The following LPP variants were observed in gnomAD, a reference collection of about 807,000 sequenced individuals.
LPP encodes the protein LIM domain containing preferred translocation partner in lipoma.
LPP carries 38 observed loss-of-function variants against 60.4 expected under a neutral mutation model. The ratio of observed to expected loss-of-function variants is 0.63; its 90% confidence interval spans 0.49 to 0.83. LPP has a LOEUF of 0.83. Ranked by LOEUF, LPP falls within the 40% of genes least tolerant of loss-of-function variation. The pLI is 0.00. For missense variants in LPP, 902 were observed against 783.6 expected, an observed-to-expected ratio of 1.15 and a Z score of -1.80; for synonymous variants, 328 against 290.8, an observed-to-expected ratio of 1.13 and a Z score of -1.30.
At chr3:188,825,271 G>C (rs2001271) in intron 9 of LPP, among the ~76,000 whole-genome samples, 3,878 of 21,930 alleles carry the variant, frequency 0.18, 38 homozygotes, top group South Asian at 0.21. Flanking sequence ...CTCTCTCTCT[G>C]TGTGTGTGTG....
chr3:188,208,949 A>G (rs967406495), intron 1 of LPP, among the ~76,000 whole-genome samples: 3 of 152,200 alleles, frequency 2.0e-5, no homozygotes, highest in African/African-American at 7.2e-5. Flanking sequence ...AATCCCTTAC[A>G]CTTTTATAAT....
chr3:188,430,758 A>G (rs1161905684), intron 4 of LPP, among the ~76,000 whole-genome samples: 1 of 152,152 alleles, frequency 6.6e-6, no homozygotes, highest in Non-Finnish European at 1.5e-5. Flanking sequence ...TGAAAGCCCA[A>G]TAGTAAGGCC....
intron 2 of LPP, among the ~76,000 whole-genome samples, chr3:188,262,117 A>T (rs2149694823): frequency 6.6e-6 from 1 of 152,238 alleles, no homozygotes; most frequent in Non-Finnish European, 1.5e-5. Context: ...TGGGAAGAGG[A>T]CACATCTAGA....
At chr3:188,264,099 G>A (rs1294624674) in intron 2 of LPP, among the ~76,000 whole-genome samples, 1 of 152,146 alleles carries the variant, frequency 6.6e-6, no homozygotes. Flanking sequence ...TGTTGGACAT[G>A]TTTGATCTCC....
Position 188,185,270 on chromosome 3 carries a change from C to T in LPP, c.-190+31018C>T, listed in dbSNP as rs548638930. Among the ~76,000 whole-genome samples the T allele has an allele frequency of 3.3e-3, 181 of 55,394 alleles. 2 individuals are homozygous for T. In the Admixed American group the frequency reaches 0.039, roughly 12 times the overall value. 36.3% of individuals were successfully genotyped at this position (55,394 alleles called of 152,430 possible). On this transcript the variant is annotated intron_variant, in intron 1 of 11. Transcript: ENST00000617246. ...TTCATCTGTGAAATCGGGGAGCGGG[C>T]GGGGTGGGGGGAATATTCTTACCCT...
chr3:188,680,554 A>G (rs1859256599), intron 7 of LPP, among the ~76,000 whole-genome samples: 1 of 152,124 alleles, frequency 6.6e-6, no homozygotes, highest in Admixed American at 6.5e-5. Flanking sequence ...TTTTTTTACT[A>G]CCCCACCTTA....
chr3:188,474,220 C>T (rs1486370813), intron 4 of LPP, among the ~76,000 whole-genome samples: 1 of 152,112 alleles, frequency 6.6e-6, no homozygotes, highest in Admixed American at 6.5e-5. Flanking sequence ...CATATGTGTT[C>T]TATATGCTTT....
At chr3:188,838,851 G>T (rs188639466) in intron 9 of LPP, among the ~76,000 whole-genome samples, 53 of 152,146 alleles carry the variant, frequency 3.5e-4, no homozygotes, top group African/African-American at 1.2e-3. Flanking sequence ...TACTGGGTGG[G>T]GCCTGTCGTG....
chr3:188,769,434 A>G (rs946382261), intron 9 of LPP, among the ~76,000 whole-genome samples: 2 of 152,160 alleles, frequency 1.3e-5, no homozygotes, highest in Admixed American at 6.5e-5. Context: ...CTTACTTGGT[A>G]AGGAAAGAGA....
In LPP at chr3:188,406,282, G is replaced by C; in HGVS notation, c.162G>C (p.Lys54Asn). The C allele has an allele frequency of 6.2e-6, 10 of 1,614,128 alleles. No individual in the cohort carries two copies. The highest frequency in any genetic ancestry group is 1.3e-5 in the African/African-American group (1 of 75,052). ...KFAPVVAPKPKYNPYKQPGGE... is the reference protein window; with the variant it reads ...KFAPVVAPKPNYNPYKQPGGE... ...CCCCGGTAGTTGCTCCAAAACCTAAGTACAACCCATACAAACAACCTGGAG... is the reference window on the plus strand; with the variant it reads ...CCCCGGTAGTTGCTCCAAAACCTAACTACAACCCATACAAACAACCTGGAG... The change falls in exon 4 of 12, where the codon AAG becomes AAC. Residue 54 changes from lysine (K) to asparagine (N), a missense_variant. Lys to Asn is a moderately conservative substitution (Grantham distance 94). Coordinates refer to ENST00000617246, the MANE Select transcript of LPP (RefSeq NM_001375462.1).
In LPP at chr3:188,760,148, G is replaced by A. The variant is rs185638183; in HGVS notation, c.1276G>A (p.Glu426Lys). The change falls in exon 9 of 12, where the codon GAA (glutamate) becomes AAA (lysine). Residue 426 changes from glutamate to lysine, a missense_variant. Glu to Lys is a moderately conservative substitution (Grantham distance 56). Transcript: ENST00000617246. ...TCGCTGTGGAGAAAACGTAGTTGGG[G>A]AAGGTACAGGATGCACTGCCATGGA... The part of the protein sequence containing the change: ...CARCGENVVG[E>K]GTGCTAMDQV... The A allele has an allele frequency of 3.7e-6, 6 of 1,614,096 alleles. No individual in the cohort carries two copies. Among genetic ancestry groups the A allele is most frequent in the Non-Finnish European group, 5.1e-6 (6 of 1,180,002 alleles).
chr3:188,829,231 C>G (rs1347184900), intron 9 of LPP, among the ~76,000 whole-genome samples: 1 of 152,198 alleles, frequency 6.6e-6, no homozygotes, highest in Non-Finnish European at 1.5e-5. Flanking sequence ...CACCGCCTCT[C>G]CTCGCCTATT....
chr3:188,744,264 T>C (rs1725393659), intron 8 of LPP, among the ~76,000 whole-genome samples: 1 of 152,148 alleles, frequency 6.6e-6, no homozygotes, highest in African/African-American at 2.4e-5. Context: ...GTAGAAAATC[T>C]GAACTTTATT....
In LPP at chr3:188,229,342, C is replaced by T. The variant is rs148879005; in HGVS notation, c.-67+3815C>T. ...TGGGAGTCAGGAAGGAAATTATTTC[C>T]CTCTGTTGATACCGGTTTACAATTG... On this transcript the variant is annotated intron_variant, in intron 2 of 11. Transcript: ENST00000617246. 5.8e-4 allele frequency among the ~76,000 whole-genome samples: 89 copies of T among 152,220 alleles called. No homozygotes were observed. The Middle Eastern group carries it at 0.02, about 35-fold the overall frequency.
At chr3:188,574,437 A>C (rs1465642872) in intron 6 of LPP, among the ~76,000 whole-genome samples, 1 of 152,220 alleles carries the variant, frequency 6.6e-6, no homozygotes, top group African/African-American at 2.4e-5. Flanking sequence ...TTTAAATCAC[A>C]TACAGAACAT....
intron 2 of LPP, among the ~76,000 whole-genome samples, chr3:188,286,653 A>G (rs112574829): frequency 3.4e-4 from 52 of 152,296 alleles, no homozygotes; most frequent in African/African-American, 1.2e-3. Context: ...TCCCTCCCCA[A>G]ATAAATGTAT....
chr3:188,857,944 T>C (rs766282134), intron 9 of LPP, among the ~76,000 whole-genome samples: 30 of 152,204 alleles, frequency 2.0e-4, no homozygotes, highest in Admixed American at 3.9e-4. Flanking sequence ...TTTATAAAAC[T>C]AACATTTATT....
intron 5 of LPP, among the ~76,000 whole-genome samples, chr3:188,514,250 T>G (rs1816668780): frequency 2.0e-5 from 3 of 151,930 alleles, no homozygotes; most frequent in Admixed American, 2.0e-4. Flanking sequence ...CCTCTCTCCC[T>G]TCCTCTTTTC....
intron 7 of LPP, among the ~76,000 whole-genome samples, chr3:188,611,099 A>G (rs1401386216): frequency 6.6e-6 from 1 of 152,206 alleles, no homozygotes; most frequent in African/African-American, 2.4e-5. Context: ...CGTCTGCCAT[A>G]TTAATGGTGT....
Sources: allele counts gnomAD v4.1 joint callset (sites outside exome capture counted in the v4.1 genomes callset), GRCh38; gene constraint gnomAD v4.1.1; transcripts MANE v1.5; gene names NCBI Gene and HGNC (gene_info 2026-07-23, HGNC 2026-07-21).